SCART1: variants seen among roughly 807,000 people sequenced by gnomAD.
The protein encoded by SCART1 is scavenger receptor family member expressed on T cells 1.
SCART1 carries 62 observed loss-of-function variants against 36.2 expected under a neutral mutation model. The observed-to-expected ratio is 1.71, with a 90% confidence interval of 1.40 to 2.12. The LOEUF is 2.12. Ranked by LOEUF, SCART1 falls within the 30% of genes most tolerant of loss-of-function variation. SCART1 has a pLI of 0.00. For synonymous variants in SCART1, 487 were observed against 238.7 expected, an observed-to-expected ratio of 2.04 and a Z score of -9.59; for missense variants, 1,041 against 540.5, an observed-to-expected ratio of 1.93 and a Z score of -9.18.
exon 5 of SCART1, chr10:133,459,197 G>A (rs1456056837): frequency 8.5e-6 from 6 of 702,390 alleles, no homozygotes; most frequent in African/African-American, 3.5e-5. Flanking sequence ...TTTTGGGGAC[G>A]GGGACGCTGC....
chr10:133,459,310 C>T (rs1279224433), exon 5 of SCART1: 1 of 643,748 alleles, frequency 1.6e-6, no homozygotes, highest in Non-Finnish European at 2.8e-6. Context: ...GAAACACAGC[C>T]TCCGCGGTCT....
At chr10:133,463,032 T>C (rs1850720213) in intron 6 of SCART1, among the ~76,000 whole-genome samples, 1 of 152,194 alleles carries the variant, frequency 6.6e-6, no homozygotes, top group Non-Finnish European at 1.5e-5. Flanking sequence ...AGTATCCTGG[T>C]ATAGGTATTT....
At chr10:133,467,888 C>A in exon 12 of SCART1, 1 of 699,588 alleles carries the variant, frequency 1.4e-6, no homozygotes, top group Non-Finnish European at 2.6e-6. Flanking sequence ...ACAGTCTATA[C>A]GTGCGGAGGG....
At chr10:133,455,150 C>T (rs1850593247) in intron 1 of SCART1, among the ~76,000 whole-genome samples, 1 of 152,096 alleles carries the variant, frequency 6.6e-6, no homozygotes, top group Non-Finnish European at 1.5e-5. Flanking sequence ...GCCTATAATT[C>T]CCGCTACATG....
chr10:133,461,422 T>C (rs1158389371), intron 6 of SCART1, among the ~76,000 whole-genome samples: 2 of 152,214 alleles, frequency 1.3e-5, no homozygotes, highest in East Asian at 3.8e-4. Context: ...TATTTTACTT[T>C]AGGAACGCTT....
At chr10:133,456,995 G>A (rs796667622) in intron 2 of SCART1, 42 of 536,434 alleles carry the variant, frequency 7.8e-5, no homozygotes, top group African/African-American at 4.4e-4. Context: ...CCCTCATAGC[G>A]TCCTGCCTCT....
At chr10:133,456,547 G>A (rs1400341878) in exon 2 of SCART1, 2 of 661,810 alleles carry the variant, frequency 3.0e-6, no homozygotes, top group Non-Finnish European at 5.5e-6. Context: ...TGGTCGCGCT[G>A]TGCTCCAGTA....
chr10:133,459,290 T>C (rs1389985825), exon 5 of SCART1: 1 of 649,350 alleles, frequency 1.5e-6, no homozygotes. Flanking sequence ...GGCCCCGGCC[T>C]GTGCCCCGGG....
exon 6 of SCART1, chr10:133,459,604 C>T (rs1234968679): frequency 1.5e-6 from 1 of 673,350 alleles, no homozygotes. Flanking sequence ...CTGCGCGGCG[C>T]GGGCGTGGTG....
intron 9 of SCART1, 149 bp downstream of exon 9, chr10:133,465,714 A>G (rs1589937227): frequency 1.6e-6 from 1 of 611,718 alleles, no homozygotes; most frequent in Non-Finnish European, 2.9e-6. Flanking sequence ...GGATAGGCTG[A>G]TTTGCTGTGG....
At chr10:133,465,026 G>A in intron 7 of SCART1, 80 bp from the exon 8 acceptor site, 4 of 700,606 alleles carry the variant, frequency 5.7e-6, no homozygotes, top group Non-Finnish European at 7.8e-6. Flanking sequence ...GCCTGGGCCT[G>A]GGGGTCACTA....
At position 133,456,701 on chromosome 10, in the gene SCART1, G is replaced by C. The variant is rs959980764; in HGVS notation, c.385+147G>C. 36 of 581,474 alleles carry C rather than the reference G, an allele frequency of 6.2e-5. No individual in the cohort carries two copies. In the South Asian group the frequency reaches 7.0e-4, roughly 11 times the overall value. 36.0% of individuals were successfully genotyped at this position (581,474 alleles called of 1,614,324 possible). On this transcript the variant is annotated intron_variant, in intron 2 of 11. Coordinates refer to ENST00000640237, the Ensembl canonical transcript of SCART1. ...AGGCTGTGGGTCTGGAGCTCTCTCT[G>C]GGAGGGGCTCCTCTCTGGGCACCGG...
In SCART1 at chr10:133,459,230, T is replaced by G; in HGVS notation, c.1189T>G (p.Cys397Gly). The G allele has an allele frequency of 4.3e-6, 3 of 697,988 alleles. No homozygotes were observed. The South Asian group carries it at 4.5e-5, about 10-fold the overall frequency. 43.2% of individuals were successfully genotyped at this position (697,988 alleles called of 1,614,324 possible). The change falls in exon 5 of 12, where the codon TGT becomes GGT. Residue 397 changes from cysteine to glycine, a missense_variant. Coordinates refer to ENST00000640237, the Ensembl canonical transcript of SCART1. ...TGCCATCTGGCCTGATGCCTTTCACTGTGAGGGGACAGAGTCCTACTTGTG... is the reference window on the plus strand; with the variant it reads ...TGCCATCTGGCCTGATGCCTTTCACGGTGAGGGGACAGAGTCCTACTTGTG...
At chr10:133,455,439 G>T (rs1198290413) in intron 1 of SCART1, among the ~76,000 whole-genome samples, 1 of 151,976 alleles carries the variant, frequency 6.6e-6, no homozygotes, top group South Asian at 2.1e-4. Flanking sequence ...ACCAGGCAGG[G>T]TCCCCCCTCT....
chr10:133,468,453 G>C (rs1054048040), exon 12 of SCART1: 2 of 152,318 alleles, frequency 1.3e-5, no homozygotes, highest in African/African-American at 4.8e-5. Context: ...CTTCCAATCC[G>C]TGTACATTTA....
chr10:133,464,329 G>GTGCAGTGAACCTGGGTGC (rs1206912970), intron 6 of SCART1: 1 of 312,150 alleles, frequency 3.2e-6, no homozygotes, highest in African/African-American at 2.8e-5. Flanking sequence ...GAACCTGGGC[G>GTGCAGTGAACCTGGGTGC]TGCAGTGAAC....
chr10:133,459,361 A>G, intron 5 of SCART1, 35 bp downstream of exon 5: 1 of 619,788 alleles, frequency 1.6e-6, no homozygotes, highest in Non-Finnish European at 2.9e-6. Flanking sequence ...CAGGAGGGTG[A>G]GTGAGAGGCA....
intron 1 of SCART1, among the ~76,000 whole-genome samples, chr10:133,454,890 A>T (rs900399723): frequency 6.6e-6 from 1 of 152,096 alleles, no homozygotes; most frequent in Non-Finnish European, 1.5e-5. Flanking sequence ...GGTTGAAGGG[A>T]TTTGCTTTTG....
chr10:133,467,246 T>C (rs993477272), exon 11 of SCART1: 17 of 702,696 alleles, frequency 2.4e-5, no homozygotes, highest in East Asian at 5.4e-5. Flanking sequence ...TATGATGTCA[T>C]TGGGGAAATG....
Sources: allele counts gnomAD v4.1 joint callset (sites outside exome capture counted in the v4.1 genomes callset), GRCh38; gene constraint gnomAD v4.1.1; transcripts MANE v1.5; gene names NCBI Gene and HGNC (gene_info 2026-07-23, HGNC 2026-07-21).